The following KLHL32 variants were observed in gnomAD, a reference collection of about 807,000 sequenced individuals.
The protein encoded by KLHL32 is kelch like family member 32.
KLHL32 carries 35 observed loss-of-function variants against 64.8 expected under a neutral mutation model. The ratio of observed to expected loss-of-function variants is 0.54; its 90% CI spans 0.41 to 0.72. The LOEUF (loss-of-function observed/expected upper bound fraction) is 0.72. KLHL32 is among the 30% of genes least tolerant of loss of function. The pLI is 0.00. For missense variants in KLHL32, 589 were observed against 768.5 expected (o/e 0.77, Z 2.76); for synonymous variants, 259 against 281.0 (o/e 0.92, Z 0.78).
chr6:96,932,420 A>G (rs553097568), intron 1 of KLHL32, among the ~76,000 whole-genome samples: 31 of 152,204 alleles, frequency 2.0e-4, no homozygotes, highest in African/African-American at 6.7e-4. Flanking sequence ...TAAGAAACTC[A>G]TGCACAGCCC....
chr6:96,939,984 A>G (rs1461363592), intron 1 of KLHL32, among the ~76,000 whole-genome samples: 1 of 152,070 alleles, frequency 6.6e-6, no homozygotes. Flanking sequence ...CTGGTGCTGG[A>G]TTGAATATTG....
chr6:96,927,304 A>G (rs1370679597), intron 1 of KLHL32, among the ~76,000 whole-genome samples: 1 of 152,356 alleles, frequency 6.6e-6, no homozygotes, highest in East Asian at 1.9e-4. Context: ...GAGCATCCTG[A>G]GCCTTTAATG....
chr6:97,008,452 C>G, intron 3 of KLHL32, among the ~76,000 whole-genome samples: 1 of 152,120 alleles, frequency 6.6e-6, no homozygotes, highest in East Asian at 1.9e-4. Context: ...CCAGGTATGA[C>G]AGTCACCCCT....
At chr6:97,047,255 C>T (rs563673190) in intron 4 of KLHL32, among the ~76,000 whole-genome samples, 13 of 152,330 alleles carry the variant, frequency 8.5e-5, no homozygotes, top group African/African-American at 2.9e-4. Flanking sequence ...ATTCACTCTG[C>T]CTTTGCACTA....
intron 3 of KLHL32, among the ~76,000 whole-genome samples, chr6:96,977,600 C>A (rs191809903): frequency 5.1e-4 from 78 of 152,078 alleles, no homozygotes; most frequent in African/African-American, 1.8e-3. Flanking sequence ...CCCAGTAAAG[C>A]CTAAATGTTA....
intron 6 of KLHL32, among the ~76,000 whole-genome samples, chr6:97,086,312 C>T (rs1346883333): frequency 6.6e-6 from 1 of 152,196 alleles, no homozygotes; most frequent in Non-Finnish European, 1.5e-5. Context: ...TATTCAGTAG[C>T]TAACTCTACT....
chr6:97,007,179 T>C (rs933109377), intron 3 of KLHL32, among the ~76,000 whole-genome samples: 3 of 152,204 alleles, frequency 2.0e-5, no homozygotes, highest in Admixed American at 6.5e-5. Flanking sequence ...CTTGGAGGTT[T>C]TGCTCATTCT....
At chr6:97,067,074 G>T (rs1422589096) in intron 5 of KLHL32, among the ~76,000 whole-genome samples, 1 of 152,144 alleles carries the variant, frequency 6.6e-6, no homozygotes, top group Non-Finnish European at 1.5e-5. Flanking sequence ...TGGTTTCTCT[G>T]CCAGAGGAGT....
At chr6:97,022,176 A>G (rs1782084393) in intron 3 of KLHL32, among the ~76,000 whole-genome samples, 1 of 150,946 alleles carries the variant, frequency 6.6e-6, no homozygotes, top group Non-Finnish European at 1.5e-5. Context: ...CTCAAACCCT[A>G]TGACGGTTTC....
At chr6:96,949,224 T>C (rs1280984666) in intron 1 of KLHL32, among the ~76,000 whole-genome samples, 1 of 152,216 alleles carries the variant, frequency 6.6e-6, no homozygotes, top group Non-Finnish European at 1.5e-5. Flanking sequence ...TAATGGCACA[T>C]AGTAGGAATT....
chr6:96,900,913 G>A, the KLHL32 span, among the ~76,000 whole-genome samples: 1 of 152,222 alleles, frequency 6.6e-6, no homozygotes, highest in Non-Finnish European at 1.5e-5. Flanking sequence ...ATTTGTAGGA[G>A]TCCAACTGAA....
intron 1 of KLHL32, among the ~76,000 whole-genome samples, chr6:96,936,288 T>C (rs1014930436): frequency 1.3e-5 from 2 of 152,212 alleles, no homozygotes; most frequent in African/African-American, 4.8e-5. Context: ...TCTTAACTAA[T>C]GAATATATTG....
chr6:97,064,546 T>C (rs1789408086), intron 4 of KLHL32, 82 bp from the exon 5 acceptor site: 3 of 923,756 alleles, frequency 3.2e-6, no homozygotes, highest in Non-Finnish European at 3.4e-6. Flanking sequence ...AATTTAAATA[T>C]ACTATGGTAT....
intron 6 of KLHL32, among the ~76,000 whole-genome samples, chr6:97,089,125 A>G (rs968752992): frequency 2.0e-5 from 3 of 152,204 alleles, no homozygotes; most frequent in African/African-American, 7.2e-5. Context: ...AGATCTGCCA[A>G]CTCCATTTCC....
chr6:96,944,397 G>C (rs570396921), intron 1 of KLHL32, among the ~76,000 whole-genome samples: 4 of 152,272 alleles, frequency 2.6e-5, no homozygotes, highest in African/African-American at 9.6e-5. Flanking sequence ...CTTTACAATA[G>C]ACCTACATAA....
At chr6:96,923,192 A>G (rs1768811967), upstream of KLHL32, among the ~76,000 whole-genome samples, 2 of 152,194 alleles carry the variant, frequency 1.3e-5, no homozygotes, top group Non-Finnish European at 2.9e-5. Flanking sequence ...TATTCTAAAC[A>G]GATAATCCAA....
At chr6:97,022,132 C>A (rs758764038) in intron 3 of KLHL32, among the ~76,000 whole-genome samples, 4 of 150,912 alleles carry the variant, frequency 2.7e-5, no homozygotes, top group Admixed American at 6.6e-5. Context: ...CCCCAGTGAA[C>A]CCACTGAAAA....
the KLHL32 span, among the ~76,000 whole-genome samples, chr6:96,904,339 C>CAAAAAAAAAAAAAAAAAAAAAAAAAAA: frequency 1.9e-5 from 2 of 106,070 alleles, no homozygotes; most frequent in Non-Finnish European, 1.9e-5. Flanking sequence ...AAGACTTTGT[C>CAAAAAAAAAAAAAAAAAAAAAAAAAAA]AAAAAAAAAA....
At chr6:96,966,717 T>G (rs762861480) in intron 1 of KLHL32, among the ~76,000 whole-genome samples, 1 of 152,250 alleles carries the variant, frequency 6.6e-6, no homozygotes, top group Non-Finnish European at 1.5e-5. Context: ...CCATTCCATC[T>G]CTTGTTTTAA....
Sources: gnomAD v4.1 joint callset for allele counts (sites outside exome capture counted in the v4.1 genomes callset) on GRCh38, gnomAD v4.1.1 for gene constraint, MANE v1.5 for transcripts, NCBI Gene and HGNC (gene_info 2026-07-23, HGNC 2026-07-21) for gene names.